SLC35H1: variants seen among roughly 807,000 people sequenced by gnomAD.
The protein encoded by SLC35H1 is ovarian cancer-overexpressed gene 1 protein.
At chr20:46,351,023 C>T in the SLC35H1 span, 1 of 1,235,224 alleles carries the variant, frequency 8.1e-7, no homozygotes, top group Non-Finnish European at 1.1e-6. Context: ...TGGGCCCAGG[C>T]AGGCAGAGAG....
At chr20:46,352,499 G>A in the SLC35H1 span, 1 of 401,094 alleles carries the variant, frequency 2.5e-6, no homozygotes, top group Non-Finnish European at 4.5e-6. Context: ...CTAGCGGGAT[G>A]ATGGGACCCT....
the SLC35H1 span, among the ~76,000 whole-genome samples, chr20:46,357,196 C>A: frequency 6.6e-6 from 1 of 152,264 alleles, no homozygotes; most frequent in Non-Finnish European, 1.5e-5. Flanking sequence ...TACTTGGCAC[C>A]TGGCCTAGGA....
At chr20:46,357,738 G>T in the SLC35H1 span, 1 of 1,614,134 alleles carries the variant, frequency 6.2e-7, no homozygotes, top group Non-Finnish European at 8.5e-7. Context: ...TCACGGCCAG[G>T]TGCAGCATCG....
the SLC35H1 span, among the ~76,000 whole-genome samples, chr20:46,359,678 C>G: frequency 6.6e-6 from 1 of 152,212 alleles, no homozygotes; most frequent in Non-Finnish European, 1.5e-5. Context: ...GTGCCCGGAG[C>G]ATGCCGGGTA....
At chr20:46,350,866 C>A in the SLC35H1 span, 6 of 1,613,920 alleles carry the variant, frequency 3.7e-6, no homozygotes, top group East Asian at 6.7e-5. Context: ...AGCAGATGAG[C>A]TGCCAACAGC....
chr20:46,349,484 C>T, the SLC35H1 span: 1 of 152,244 alleles, frequency 6.6e-6, no homozygotes. Context: ...ACTTAAGCAG[C>T]TCTTTATCTT....
chr20:46,362,018 C>T, the SLC35H1 span, among the ~76,000 whole-genome samples: 1 of 152,232 alleles, frequency 6.6e-6, no homozygotes, highest in East Asian at 1.9e-4. Context: ...GTTCCCCTGC[C>T]TCCAATAAGT....
At chr20:46,357,807 G>C in the SLC35H1 span, 1,761 of 1,609,300 alleles carry the variant, frequency 1.1e-3, 3 homozygotes, top group Non-Finnish European at 1.5e-3. Context: ...CCCCGGCTTG[G>C]TTTAGACAGC....
chr20:46,348,646 G>C, the SLC35H1 span: 1 of 152,226 alleles, frequency 6.6e-6, no homozygotes, highest in African/African-American at 2.4e-5. Flanking sequence ...GGCAGATCTC[G>C]GTCTGACTCC....
At chr20:46,361,327 G>A in the SLC35H1 span, among the ~76,000 whole-genome samples, 1 of 152,090 alleles carries the variant, frequency 6.6e-6, no homozygotes. Flanking sequence ...AATACCGTCA[G>A]CTCTATCTTC....
chr20:46,353,138 T>G, the SLC35H1 span: 1 of 152,266 alleles, frequency 6.6e-6, no homozygotes, highest in Non-Finnish European at 1.5e-5. Context: ...AGTACAGAGC[T>G]GTGGGACTTG....
chr20:46,353,310 A>C, the SLC35H1 span: 1 of 152,210 alleles, frequency 6.6e-6, no homozygotes, highest in Non-Finnish European at 1.5e-5. Context: ...ACAGGCATGC[A>C]CACCCCCTAC....
At chr20:46,352,250 T>C in the SLC35H1 span, 1 of 1,611,364 alleles carries the variant, frequency 6.2e-7, no homozygotes, top group South Asian at 1.1e-5. Context: ...GGAGAGAGAG[T>C]GGGAGGCCGG....
the SLC35H1 span, chr20:46,354,915 G>C: frequency 6.2e-7 from 1 of 1,612,956 alleles, no homozygotes; most frequent in Non-Finnish European, 8.5e-7. Context: ...AAGAGCCCCA[G>C]GAACATGAGT....
At chr20:46,356,676 T>C in the SLC35H1 span, 23 of 1,593,068 alleles carry the variant, frequency 1.4e-5, 1 homozygote, top group Admixed American at 2.9e-4. Context: ...GCTTGGGAGG[T>C]CCACACTCTG....
At chr20:46,356,764 G>A in the SLC35H1 span, 1 of 824,426 alleles carries the variant, frequency 1.2e-6, no homozygotes, top group Non-Finnish European at 2.0e-6. Context: ...TGGGGCCCTT[G>A]GGCCTTCTTT....
At chr20:46,355,859 T>A in the SLC35H1 span, 1 of 1,613,790 alleles carries the variant, frequency 6.2e-7, no homozygotes. This position sits in a 1 kb window ranked among gnomAD's most constrained non-coding sequence, Gnocchi z 4.8. Flanking sequence ...CAGCTGAGGA[T>A]TTGGTCATTG....
At chr20:46,357,856 G>A in the SLC35H1 span, 1 of 1,483,592 alleles carries the variant, frequency 6.7e-7, no homozygotes, top group Non-Finnish European at 9.3e-7. Context: ...TCGCCCCTCT[G>A]CTGGAGTGGG....
chr20:46,354,488 T>C, the SLC35H1 span, among the ~76,000 whole-genome samples: 5 of 152,190 alleles, frequency 3.3e-5, no homozygotes, highest in Non-Finnish European at 7.3e-5. Flanking sequence ...GGCTGCTGGC[T>C]TCAAATTCTG....
Sources: gnomAD v4.1 joint callset for allele counts (sites outside exome capture counted in the v4.1 genomes callset) on GRCh38, gnomAD v4.1.1 for gene constraint, Gnocchi (gnomAD v3.1) non-coding constraint, MANE v1.5 for transcripts, NCBI Gene and HGNC (gene_info 2026-07-23, HGNC 2026-07-21) for gene names.